The following PRKG1 variants were observed in gnomAD, a reference collection of about 807,000 sequenced individuals.
The protein encoded by PRKG1 is protein kinase cGMP-dependent 1, also known as cGMP-dependent protein kinase 1.
A neutral mutation model predicts 88.1 loss-of-function variants in PRKG1; 35 were observed. The ratio of observed to expected loss-of-function variants is 0.40; its 90% CI spans 0.30 to 0.53. PRKG1 has a LOEUF of 0.53. Ranked by LOEUF, PRKG1 falls within the 20% of genes least tolerant of loss-of-function variation. The pLI is 0.59. For missense variants in PRKG1, 540 were observed against 839.8 expected (o/e 0.64, Z 4.41); for synonymous variants, 303 against 292.5 (o/e 1.04, Z -0.37).
At chr10:51,148,148 C>T in intron 1 of PRKG1, 4 of 659,376 alleles carry the variant, frequency 6.1e-6, no homozygotes, top group Non-Finnish European at 7.5e-6. Flanking sequence ...GAATTAGAAA[C>T]TTTTAAGAGG....
chr10:51,262,970 G>A (rs1589290992), intron 2 of PRKG1, among the ~76,000 whole-genome samples: 2 of 152,098 alleles, frequency 1.3e-5, no homozygotes, highest in South Asian at 4.1e-4. Flanking sequence ...CCACATAAGA[G>A]TCCTTGATCT....
intron 3 of PRKG1, among the ~76,000 whole-genome samples, chr10:51,746,229 T>C (rs1193279181): frequency 6.6e-6 from 1 of 152,114 alleles, no homozygotes; most frequent in East Asian, 1.9e-4. Context: ...TTTGGTACTT[T>C]GTACAAAGCC....
intron 7 of PRKG1, among the ~76,000 whole-genome samples, chr10:52,112,072 A>G (rs531293596): frequency 6.6e-6 from 1 of 152,258 alleles, no homozygotes; most frequent in East Asian, 1.9e-4. Context: ...GCAAAAGTGA[A>G]CCTCTCAACA....
intron 4 of PRKG1, among the ~76,000 whole-genome samples, chr10:51,845,355 T>C (rs1840371307): frequency 6.6e-6 from 1 of 152,178 alleles, no homozygotes; most frequent in Non-Finnish European, 1.5e-5. Flanking sequence ...TATTGAAAAG[T>C]CTCTAAGGAA....
At chr10:51,631,373 G>A (rs1406712288) in intron 3 of PRKG1, among the ~76,000 whole-genome samples, 3 of 152,154 alleles carry the variant, frequency 2.0e-5, no homozygotes, top group African/African-American at 7.2e-5. Context: ...TAAACTAATA[G>A]GTGGGCCATG....
intron 5 of PRKG1, among the ~76,000 whole-genome samples, chr10:52,039,203 G>A (rs1292209129): frequency 1.3e-5 from 2 of 152,138 alleles, no homozygotes; most frequent in Non-Finnish European, 2.9e-5. Flanking sequence ...GACTGAGTCC[G>A]AAAAGAGAGT....
intron 7 of PRKG1, chr10:52,081,475 C>A: frequency 4.8e-6 from 2 of 420,480 alleles, no homozygotes; most frequent in South Asian, 1.7e-5. Context: ...CCCCTCCTCA[C>A]ACCACCTAGC....
chr10:52,061,586 C>T lies in PRKG1; in HGVS notation c.841-951C>T, dbSNP rs540047712. Among the ~76,000 whole-genome samples the T allele has an allele frequency of 3.9e-5, 6 of 152,172 alleles. No homozygotes were observed. The South Asian group carries it at 1.2e-3, about 32-fold the overall frequency. ...ACTTGCCTTCTGTTAAGTCACAAGT[C>T]CTGTGTGTTCTAGGCTATCTATGTT... On this transcript the variant is annotated intron_variant, in intron 6 of 17. Coordinates refer to ENST00000373980, the MANE Select transcript of PRKG1 (RefSeq NM_006258.4).
chr10:52,274,845 T>C (rs1841831664), intron 12 of PRKG1, among the ~76,000 whole-genome samples: 1 of 152,098 alleles, frequency 6.6e-6, no homozygotes, highest in African/African-American at 2.4e-5. Context: ...CAGGATCTAT[T>C]GGTTTTTTGA....
At chr10:51,514,863 CTT>C (rs922367318) in intron 3 of PRKG1, among the ~76,000 whole-genome samples, 25 of 152,282 alleles carry the variant, frequency 1.6e-4, no homozygotes, top group Admixed American at 9.8e-4. Context: ...GCACTGCAGA[CTT>C]TTACATAAAT....
At chr10:51,411,888 AAC>A (rs968110674) in intron 2 of PRKG1, among the ~76,000 whole-genome samples, 29 of 152,276 alleles carry the variant, frequency 1.9e-4, no homozygotes, top group Admixed American at 4.6e-4. Flanking sequence ...GTGGCTGGAA[AAC>A]ACATTGCTTT....
intron 8 of PRKG1, among the ~76,000 whole-genome samples, chr10:52,141,953 C>A (rs1903992): frequency 0.24 from 35,903 of 151,984 alleles, 4,498 homozygotes; most frequent in African/African-American, 0.32. Context: ...TTTTCTAACC[C>A]CTTTTATAAA....
chr10:51,090,211 C>T lies in PRKG1; in HGVS notation c.311+15310C>T, dbSNP rs771113597. The stretch of plus-strand genomic sequence containing the variant: ...AATAAACAGTTGCTGTTGAGGTTCT[C>T]ATTACTATCATAATTTTTATTAGTT... On this transcript the variant is annotated intron_variant, in intron 1 of 17. Transcript: ENST00000373980. Among the ~76,000 whole-genome samples the T allele has an allele frequency of 3.9e-5, 6 of 152,138 alleles. No individual in the cohort carries two copies. The East Asian group carries it at 5.8e-4, about 15-fold the overall frequency.
chr10:51,204,405 C>T (rs1837993763), intron 2 of PRKG1, among the ~76,000 whole-genome samples: 1 of 147,098 alleles, frequency 6.8e-6, no homozygotes, highest in African/African-American at 2.5e-5. Context: ...TGTGTGTACA[C>T]ATTTCTTGTG....
chr10:51,588,235 C>T (rs1388678277), intron 3 of PRKG1, among the ~76,000 whole-genome samples: 2 of 152,156 alleles, frequency 1.3e-5, no homozygotes, highest in Non-Finnish European at 2.9e-5. Context: ...CATCATCACA[C>T]TTTGGTTTTG....
intron 5 of PRKG1, among the ~76,000 whole-genome samples, chr10:51,983,736 C>G (rs943672721): frequency 6.6e-6 from 1 of 152,194 alleles, no homozygotes; most frequent in African/African-American, 2.4e-5. Flanking sequence ...GCTCTCCCTG[C>G]CAGCTGAGTG....
At chr10:51,522,694 T>G (rs1386854073) in intron 3 of PRKG1, among the ~76,000 whole-genome samples, 1 of 152,192 alleles carries the variant, frequency 6.6e-6, no homozygotes, top group East Asian at 1.9e-4. Flanking sequence ...TCACTTTAAT[T>G]GATTGAAATC....
chr10:51,374,091 A>ATATATATATATATATATATATATAT (rs1554801042), intron 2 of PRKG1, among the ~76,000 whole-genome samples: 1 of 64,832 alleles, frequency 1.5e-5, no homozygotes, highest in Non-Finnish European at 3.7e-5. Context: ...GCAAAAAAAA[A>ATATATATATATATATATATATATAT]AAATATATAT....
chr10:52,042,317 T>A (rs1845771405), intron 5 of PRKG1, among the ~76,000 whole-genome samples: 1 of 152,100 alleles, frequency 6.6e-6, no homozygotes, highest in Non-Finnish European at 1.5e-5. Flanking sequence ...ACTACCTGAC[T>A]TCAAAATACA....
Sources: gnomAD v4.1 joint callset for allele counts (sites outside exome capture counted in the v4.1 genomes callset) on GRCh38, gnomAD v4.1.1 for gene constraint, MANE v1.5 for transcripts, NCBI Gene and HGNC (gene_info 2026-07-23, HGNC 2026-07-21) for gene names.